The following DST variants were observed in gnomAD, a reference collection of about 807,000 sequenced individuals.
DST encodes the protein dystonin.
DST carries 253 observed loss-of-function variants against 875.2 expected under a neutral mutation model. That is an observed-to-expected ratio of 0.29 (90% confidence interval 0.26 to 0.32). The LOEUF (loss-of-function observed/expected upper bound fraction) is 0.32, where lower values mean the gene tolerates loss of function less well. Ranked by LOEUF, DST falls within the 10% of genes least tolerant of loss-of-function variation. The pLI is 1.00. For synonymous variants in DST, 3,124 were observed against 3,197.1 expected, an observed-to-expected ratio of 0.98 and a Z score of 0.77; for missense variants, 8,287 against 9,111.6, an observed-to-expected ratio of 0.91 and a Z score of 3.68.
At chr6:56,477,278 G>A in intron 91 of DST, 67 bp downstream of exon 91, 1 of 1,517,734 alleles carries the variant, frequency 6.6e-7, no homozygotes, top group Non-Finnish European at 8.9e-7. Context: ...CTTAATTCCT[G>A]AAATTTCCCA....
chr6:56,590,323 TATA>T (rs995242781), intron 49 of DST, among the ~76,000 whole-genome samples: 7 of 152,308 alleles, frequency 4.6e-5, no homozygotes, highest in African/African-American at 1.7e-4. Flanking sequence ...CTGCTCTAGT[TATA>T]TAAAAATTAC....
chr6:56,485,611 T>C (rs2095534408), intron 87 of DST, 140 bp from the exon 88 acceptor site: 2 of 841,038 alleles, frequency 2.4e-6, no homozygotes, highest in African/African-American at 1.7e-5. Context: ...GTTTCTTTGC[T>C]CTTCTTAGGA....
intron 10 of DST, among the ~76,000 whole-genome samples, chr6:56,669,729 G>A (rs569356953): frequency 1.3e-5 from 2 of 152,082 alleles, no homozygotes; most frequent in Non-Finnish European, 2.9e-5. Flanking sequence ...TCTGCCACTC[G>A]CTGGCTGTAT....
chr6:56,864,330 G>C (rs886847012), intron 3 of DST, among the ~76,000 whole-genome samples: 8 of 152,118 alleles, frequency 5.3e-5, no homozygotes, highest in Non-Finnish European at 7.3e-5. Context: ...ATAAATCTCT[G>C]TGTGTGTATG....
In DST at chr6:56,607,073, C is replaced by A; in HGVS notation, c.7555G>T (p.Val2519Leu). Residue 2519 changes from valine (V) to leucine (L), a missense_variant, in exon 40 of 104, where the codon GTA (valine) becomes TTA (leucine). Val to Leu is a conservative substitution (Grantham distance 32, BLOSUM62 1). This residue lies in a region of DST where 3,138 missense variants were observed against 3,116.6 expected (regional missense o/e 1.01). Coordinates refer to ENST00000680361, the MANE Select transcript of DST (RefSeq NM_001374736.1). ...SLNMISSNPQVQYHNDKYISN... is the reference protein window; with the variant it reads ...SLNMISSNPQLQYHNDKYISN... ...ATGTATTTATCATTGTGATATTGTACTTGAGGATTACTAGAAATCATATTT... is the reference window on the plus strand; with the variant it reads ...ATGTATTTATCATTGTGATATTGTAATTGAGGATTACTAGAAATCATATTT... 6.2e-7 allele frequency: 1 copy of A among 1,613,146 alleles called. No individual in the cohort carries two copies. Among genetic ancestry groups the A allele is most frequent in the Non-Finnish European group, 8.5e-7 (1 of 1,179,530 alleles).
intron 2 of DST, among the ~76,000 whole-genome samples, chr6:56,906,048 A>C (rs1796264209): frequency 6.6e-6 from 1 of 152,238 alleles, no homozygotes; most frequent in Non-Finnish European, 1.5e-5. Context: ...ATAGGAGCAT[A>C]TATAACTCTT....
intron 4 of DST, among the ~76,000 whole-genome samples, chr6:56,743,672 T>C (rs2099556365): frequency 6.6e-6 from 1 of 152,038 alleles, no homozygotes; most frequent in Non-Finnish European, 1.5e-5. Context: ...CACATTATAC[T>C]CATAACAATC....
chr6:56,782,383 T>C (rs1385627625), intron 4 of DST, among the ~76,000 whole-genome samples: 1 of 152,218 alleles, frequency 6.6e-6, no homozygotes, highest in Non-Finnish European at 1.5e-5. Context: ...AGCTATTGAT[T>C]ATTGCCACAA....
rs181057912 is a variant in DST, at chr6:56,598,573, G to T, written c.11831C>A (p.Ala3944Asp). ...KALIEQKLNE[A>D]KIKCEQLNLK... is the part of the protein sequence containing the mutation. ...ATTAAGCTGTTCACACTTTATCTTA[G>T]CTTCATTAAGTTTCTGTTCAATCAA... Residue 3944 changes from alanine to aspartate, a missense_variant, in exon 46 of 104, where the codon GCT becomes GAT. Ala to Asp is a moderately radical substitution (Grantham distance 126). This residue lies in a region of DST where 1,513 missense variants were observed against 1,677.8 expected (regional missense o/e 0.90). Coordinates refer to ENST00000680361, the MANE Select transcript of DST (RefSeq NM_001374736.1). The T allele has an allele frequency of 3.5e-4, 558 of 1,612,152 alleles. 1 individual carries two copies. Among genetic ancestry groups the T allele is most frequent in the Admixed American group, 7.8e-4 (47 of 59,962 alleles).
At chr6:56,523,440 G>A (rs1350335243) in intron 69 of DST, among the ~76,000 whole-genome samples, 1 of 152,044 alleles carries the variant, frequency 6.6e-6, no homozygotes, top group Non-Finnish European at 1.5e-5. Flanking sequence ...CTAATGAGAA[G>A]GTATCTGTAT....
chr6:56,813,239 T>TG (rs1456040933), intron 4 of DST, among the ~76,000 whole-genome samples: 3 of 48,418 alleles, frequency 6.2e-5, no homozygotes, highest in Non-Finnish European at 3.7e-5. Flanking sequence ...TGTTGTGGGG[T>TG]GGGGGGAGGG....
Position 56,600,205 on chromosome 6 carries a change from T to C in DST, c.11558A>G (p.Gln3853Arg). 6.2e-7 allele frequency: 1 copy of C among 1,612,382 alleles called. No individual in the cohort carries two copies. Among genetic ancestry groups the C allele is most frequent in the South Asian group, 1.1e-5 (1 of 90,848 alleles). The stretch of plus-strand genomic sequence containing the variant: ...TTGGAGTTTCTCTTTATACTCCTGC[T>C]GACGCTCTGCTACAATCTAAAGTGA... ...LDDQKIVAERQQEYKEKLQGI... is the reference protein window; with the variant it reads ...LDDQKIVAERRQEYKEKLQGI... The change falls in exon 45 of 104, where the codon CAG becomes CGG. Residue 3853 changes from glutamine to arginine, a missense_variant. Gln to Arg is a conservative substitution (Grantham distance 43). Around this residue, in one of 10 missense-constraint regions of DST, gnomAD observed 3,138 missense variants for 3,116.6 expected, o/e 1.01. Coordinates refer to ENST00000680361, the MANE Select transcript of DST (RefSeq NM_001374736.1).
intron 64 of DST, among the ~76,000 whole-genome samples, chr6:56,532,040 C>T (rs2096904699): frequency 6.6e-6 from 1 of 152,126 alleles, no homozygotes; most frequent in South Asian, 2.1e-4. Flanking sequence ...CCCAGCTCAC[C>T]CCTATAACAC....
intron 4 of DST, among the ~76,000 whole-genome samples, chr6:56,765,500 A>G (rs182139871): frequency 6.6e-6 from 1 of 152,354 alleles, no homozygotes; most frequent in African/African-American, 2.4e-5. Flanking sequence ...TGCACGAAAC[A>G]TATGCATGCC....
At chr6:56,471,992 A>T in intron 94 of DST, 67 bp downstream of exon 94, 1 of 1,513,858 alleles carries the variant, frequency 6.6e-7, no homozygotes, top group Non-Finnish European at 9.2e-7. Flanking sequence ...AGATTTTGGC[A>T]ATGGCAATGT....
chr6:56,595,007 C>T (rs1037275582), intron 47 of DST, among the ~76,000 whole-genome samples: 1 of 152,184 alleles, frequency 6.6e-6, no homozygotes, highest in African/African-American at 2.4e-5. Context: ...AGCAGGGAGG[C>T]ATCAGGTAGG....
chr6:56,864,775 A>G (rs945723763), intron 3 of DST, among the ~76,000 whole-genome samples: 1 of 152,222 alleles, frequency 6.6e-6, no homozygotes, highest in African/African-American at 2.4e-5. Flanking sequence ...CAAAAACTAG[A>G]TATCGAGTAC....
chr6:56,481,067 T>C (rs538090162), intron 90 of DST, among the ~76,000 whole-genome samples: 1 of 152,216 alleles, frequency 6.6e-6, no homozygotes, highest in Non-Finnish European at 1.5e-5. Context: ...TTCCAGAAAA[T>C]GCTATGCAAG....
At chr6:56,629,807 C>G (rs967203252) in intron 31 of DST, among the ~76,000 whole-genome samples, 1 of 152,168 alleles carries the variant, frequency 6.6e-6, no homozygotes, top group African/African-American at 2.4e-5. Flanking sequence ...TTAAAAATCA[C>G]TGAGATAACT....
Sources: allele counts gnomAD v4.1 joint callset (sites outside exome capture counted in the v4.1 genomes callset), GRCh38; gene constraint gnomAD v4.1.1; regional missense constraint gnomAD v4.1.1; transcripts MANE v1.5; gene names NCBI Gene and HGNC (gene_info 2026-07-23, HGNC 2026-07-21).